Variants in CHODL observed in about 807,000 individuals in gnomAD.
CHODL encodes the protein transmembrane protein MT75.
Under a neutral mutation model 34.5 loss-of-function variants are expected in CHODL, and 29 were observed. The observed-to-expected ratio is 0.84, with a 90% CI of 0.63 to 1.15. The LOEUF (loss-of-function observed/expected upper bound fraction) is 1.15, where lower values mean the gene tolerates loss of function less well. Among genes scored for constraint, CHODL ranks in the 50% most tolerant of loss-of-function variants. The probability of loss-of-function intolerance (pLI) is 0.00; values close to 1 mark genes in which losing one functional copy is unlikely to be tolerated. For synonymous variants in CHODL, 125 were observed against 116.1 expected (o/e 1.08, Z -0.49); for missense variants, 332 against 332.5 (o/e 1.00, Z 0.01).
intron 1 of CHODL, among the ~76,000 whole-genome samples, chr21:17,927,368 C>T (rs999867339): frequency 2.6e-5 from 4 of 152,016 alleles, no homozygotes; most frequent in South Asian, 4.1e-4. Context: ...GCGCTTATAA[C>T]ATTGTCTTTG....
intron 2 of CHODL, among the ~76,000 whole-genome samples, chr21:18,158,405 C>T (rs956127429): frequency 3.9e-5 from 6 of 152,262 alleles, no homozygotes; most frequent in African/African-American, 1.4e-4. Context: ...AGGTGTAACA[C>T]AGAAGCATAG....
At chr21:18,174,161 A>ATATCTTGGTATATATATATAT (rs2073276201) in intron 2 of CHODL, among the ~76,000 whole-genome samples, 1 of 85,666 alleles carries the variant, frequency 1.2e-5, no homozygotes, top group Non-Finnish European at 3.1e-5. Flanking sequence ...ATATATATAT[A>ATATCTTGGTATATATATATAT]AAATCAAGTC....
intron 2 of CHODL, among the ~76,000 whole-genome samples, chr21:18,197,587 C>T (rs1399069547): frequency 6.6e-6 from 1 of 152,128 alleles, no homozygotes; most frequent in African/African-American, 2.4e-5. Flanking sequence ...CTGCACTCAA[C>T]CTGGGTGATA....
chr21:18,095,123 CAAA>C (rs71329775), intron 2 of CHODL, among the ~76,000 whole-genome samples: 1 of 131,824 alleles, frequency 7.6e-6, no homozygotes. Context: ...GACTTTGTCT[CAAA>C]AAAAAAAAAG....
chr21:18,013,635 C>CTGTTTTTTTTTTTTTTTT (rs2064040705), intron 1 of CHODL, among the ~76,000 whole-genome samples: 1 of 71,894 alleles, frequency 1.4e-5, no homozygotes, highest in African/African-American at 6.3e-5. Context: ...GCTGCTGCTG[C>CTGTTTTTTTTTTTTTTTT]TTTTTTTTTT....
chr21:18,153,706 T>C (rs1331091734), intron 2 of CHODL, among the ~76,000 whole-genome samples: 1 of 152,078 alleles, frequency 6.6e-6, no homozygotes, highest in Admixed American at 6.6e-5. Flanking sequence ...AGAGAAAGAG[T>C]TCTTTCTCAC....
intron 2 of CHODL, among the ~76,000 whole-genome samples, chr21:18,151,351 CAA>C (rs138188734): frequency 0.01 from 1,552 of 152,188 alleles, 25 homozygotes; most frequent in African/African-American, 0.035. Context: ...CTAAAAGGCC[CAA>C]AAGATAGTGT....
intron 2 of CHODL, among the ~76,000 whole-genome samples, chr21:18,232,162 C>A (rs2146756504): frequency 6.6e-6 from 1 of 152,064 alleles, no homozygotes; most frequent in Non-Finnish European, 1.5e-5. Flanking sequence ...AATAGTTTTT[C>A]TTTAAAATGA....
intron 1 of CHODL, among the ~76,000 whole-genome samples, chr21:17,952,481 A>G (rs535513145): frequency 6.6e-6 from 1 of 152,232 alleles, no homozygotes; most frequent in South Asian, 2.1e-4. Flanking sequence ...CGTTAACCAA[A>G]GAAAAAAAAT....
chr21:18,060,351 A>G (rs1449901275), intron 2 of CHODL, among the ~76,000 whole-genome samples: 1 of 152,024 alleles, frequency 6.6e-6, no homozygotes, highest in Non-Finnish European at 1.5e-5. Flanking sequence ...GCTACTTGGG[A>G]GGCTGATGCG....
intron 1 of CHODL, among the ~76,000 whole-genome samples, chr21:18,000,466 T>G (rs2063894723): frequency 6.6e-6 from 1 of 152,258 alleles, no homozygotes; most frequent in African/African-American, 2.4e-5. Flanking sequence ...AAGTCCTGTA[T>G]GAGCTTTGAT....
At chr21:18,151,031 C>T (rs920061292) in intron 2 of CHODL, among the ~76,000 whole-genome samples, 20 of 143,386 alleles carry the variant, frequency 1.4e-4, no homozygotes, top group Non-Finnish European at 7.4e-5. Flanking sequence ...TGCAGTGAGC[C>T]GAGATCGCAC....
At chr21:18,242,727 C>T (rs1016526303), upstream of CHODL, among the ~76,000 whole-genome samples, 2 of 152,170 alleles carry the variant, frequency 1.3e-5, no homozygotes, top group East Asian at 1.9e-4. Context: ...CCAACTTAAA[C>T]TGATATAATT....
chr21:17,949,649 C>T (rs2146340121), intron 1 of CHODL, among the ~76,000 whole-genome samples: 1 of 152,188 alleles, frequency 6.6e-6, no homozygotes, highest in African/African-American at 2.4e-5. Flanking sequence ...TGACCTATCT[C>T]CTCTGATCTT....
rs146434183 is a variant in CHODL at position 17,920,047 on chromosome 21, C to G, written c.-145+2647C>G. On this transcript the variant is annotated intron_variant, in intron 1 of 6. Transcript: ENST00000400127. Reference sequence around the variant, plus strand: ...ATTTCATTGTCCATATCATTATCAGCATTTTATTCAAAGCCATTCAACAAG... The same window carrying G: ...ATTTCATTGTCCATATCATTATCAGGATTTTATTCAAAGCCATTCAACAAG... 2.7e-3 allele frequency among the ~76,000 whole-genome samples: 413 copies of G among 152,290 alleles called. 3 individuals carry two copies. Among genetic ancestry groups the G allele is most frequent in the African/African-American group, 9.4e-3 (389 of 41,548 alleles).
At chr21:18,143,467 C>T (rs2205307) in intron 2 of CHODL, among the ~76,000 whole-genome samples, 55,827 of 151,846 alleles carry the variant, frequency 0.37, 12,015 homozygotes, top group East Asian at 0.6. Flanking sequence ...CAATGGGTAC[C>T]GTTGAAAATA....
At chr21:18,009,403 G>T (rs1175956224) in intron 1 of CHODL, among the ~76,000 whole-genome samples, 3 of 152,082 alleles carry the variant, frequency 2.0e-5, no homozygotes, top group African/African-American at 7.2e-5. Context: ...TTGAAGAATG[G>T]TTAATATATG....
chr21:17,964,610 A>T (rs1209568711), intron 1 of CHODL, among the ~76,000 whole-genome samples: 1 of 152,144 alleles, frequency 6.6e-6, no homozygotes, highest in Non-Finnish European at 1.5e-5. Context: ...TTTGTTTTGA[A>T]TCTTTGTTTC....
intron 1 of CHODL, among the ~76,000 whole-genome samples, chr21:18,019,405 A>G (rs1341598771): frequency 6.6e-6 from 1 of 150,540 alleles, no homozygotes; most frequent in East Asian, 1.9e-4. Flanking sequence ...CTAATATTTG[A>G]TAGCACAATA....
Sources: allele counts gnomAD v4.1 joint callset (sites outside exome capture counted in the v4.1 genomes callset), GRCh38; gene constraint gnomAD v4.1.1; transcripts MANE v1.5; gene names NCBI Gene and HGNC (gene_info 2026-07-23, HGNC 2026-07-21).